CMC2: variants seen among roughly 807,000 people sequenced by gnomAD.
CMC2 encodes the protein C-X9-C motif containing 2, also known as COX assembly mitochondrial protein 2 homolog.
CMC2 carries 5 observed loss-of-function variants against 7.5 expected under a neutral mutation model. That is an observed-to-expected ratio of 0.66 (90% CI 0.35 to 1.40). The LOEUF is 1.40. Among genes scored for constraint, CMC2 ranks in the 40% most tolerant of loss-of-function variants. CMC2 has a pLI of 0.04. For synonymous variants in CMC2, 37 were observed against 31.4 expected (o/e 1.18, Z -0.60); for missense variants, 115 against 92.3 (o/e 1.25, Z -1.01).
chr16:81,005,228 C>A (rs1184675406), intron 1 of CMC2, among the ~76,000 whole-genome samples: 3 of 152,170 alleles, frequency 2.0e-5, no homozygotes, highest in African/African-American at 4.8e-5. Flanking sequence ...CAGGACAAGC[C>A]TGGCCAACAT....
chr16:81,004,639 G>C (rs1172491880), intron 1 of CMC2, among the ~76,000 whole-genome samples: 1 of 152,218 alleles, frequency 6.6e-6, no homozygotes, highest in African/African-American at 2.4e-5. Flanking sequence ...AGCTAGCTAA[G>C]GGGCCCATAA....
intron 2 of CMC2, among the ~76,000 whole-genome samples, chr16:80,991,464 G>C (rs889279834): frequency 6.6e-6 from 1 of 151,962 alleles, no homozygotes; most frequent in Non-Finnish European, 1.5e-5. Context: ...GCGAAAACCC[G>C]TTCTCTACAA....
Position 80,969,662 on chromosome 16 carries a change from T to A in CMC2, c.*6431A>T, listed in dbSNP as rs542954326. ...CAGCACTTCAGGAGGCCGAGGCAGGTGGATCACTTGAGGTCGGGAGTTCAA... is the reference window on the plus strand; with the variant it reads ...CAGCACTTCAGGAGGCCGAGGCAGGAGGATCACTTGAGGTCGGGAGTTCAA... On this transcript the variant is annotated 3_prime_UTR_variant, in exon 4 of 4. Transcript: ENST00000219400. The A allele has an allele frequency of 1.3e-5, 2 of 152,160 alleles. No homozygotes were observed. The highest frequency in any genetic ancestry group is 2.9e-5 in the Non-Finnish European group (2 of 68,208). The allele number at this position is 152,160 out of a possible 1,614,324, so 9.4% of individuals were successfully genotyped here.
At chr16:80,980,112 G>A (rs536430281) in intron 3 of CMC2, among the ~76,000 whole-genome samples, 1 of 151,738 alleles carries the variant, frequency 6.6e-6, no homozygotes, top group South Asian at 2.1e-4. Flanking sequence ...TTGAGACAGG[G>A]TCTCACTATG....
At chr16:80,976,739 C>A (rs1479405286) in intron 3 of CMC2, among the ~76,000 whole-genome samples, 1 of 152,198 alleles carries the variant, frequency 6.6e-6, no homozygotes, top group Admixed American at 6.5e-5. Flanking sequence ...TCATTTTAAA[C>A]CAAAAGTGCT....
At chr16:80,992,410 G>A (rs2549852) in intron 2 of CMC2, among the ~76,000 whole-genome samples, 99,145 of 152,006 alleles carry the variant, frequency 0.65, 34,094 homozygotes, top group South Asian at 0.8. Context: ...GCAAATATAC[G>A]GCAGTTTTGC....
chr16:81,003,818 G>C (rs1231808464), intron 1 of CMC2, among the ~76,000 whole-genome samples: 2 of 152,204 alleles, frequency 1.3e-5, no homozygotes, highest in Admixed American at 6.5e-5. Context: ...TCACTAGTCA[G>C]CTACTCACAA....
In CMC2 at chr16:80,980,038, C is replaced by T. The variant is rs1193500483; in HGVS notation, c.153+1768G>A. ...GGCTCAAGCGATCCTCCCGCCTCAG[C>T]CTCCCAAGTAGCTGGGACCACAGGT... On this transcript the variant is annotated intron_variant, in intron 3 of 3. Coordinates refer to ENST00000219400, the MANE Select transcript of CMC2 (RefSeq NM_020188.5). Among the ~76,000 whole-genome samples the T allele has an allele frequency of 2.6e-5, 4 of 152,210 alleles. No individual in the cohort carries two copies. The South Asian group carries it at 8.3e-4, about 31-fold the overall frequency.
intron 1 of CMC2, chr16:80,998,087 A>G (rs1034336049): frequency 6.7e-6 from 1 of 150,064 alleles, no homozygotes; most frequent in African/African-American, 2.4e-5. Flanking sequence ...AAGGAAAAAC[A>G]TCATGGGCAG....
At chr16:80,989,834 G>C (rs1048934295) in intron 2 of CMC2, among the ~76,000 whole-genome samples, 1 of 151,880 alleles carries the variant, frequency 6.6e-6, no homozygotes, top group Non-Finnish European at 1.5e-5. Context: ...GTCTCTTTTC[G>C]TCTACAATAT....
At chr16:80,998,495 T>C (rs1159816929) in intron 1 of CMC2, 1 of 152,126 alleles carries the variant, frequency 6.6e-6, no homozygotes, top group Non-Finnish European at 1.5e-5. Flanking sequence ...AAAAATGAAA[T>C]TACCATATGA....
intron 1 of CMC2, among the ~76,000 whole-genome samples, chr16:81,003,735 C>G (rs770616318): frequency 1.3e-5 from 2 of 152,156 alleles, no homozygotes; most frequent in Non-Finnish European, 2.9e-5. Flanking sequence ...AAGCAGCCAA[C>G]GTAATACTAT....
chr16:80,980,897 A>T (rs966412041), intron 3 of CMC2: 1 of 696,592 alleles, frequency 1.4e-6, no homozygotes, highest in African/African-American at 1.8e-5. Flanking sequence ...AAAAGAAAAA[A>T]GAAAAAAAGA....
chr16:81,003,502 T>C (rs141028819), intron 1 of CMC2, among the ~76,000 whole-genome samples: 1 of 152,310 alleles, frequency 6.6e-6, no homozygotes, highest in Non-Finnish European at 1.5e-5. Flanking sequence ...CTGCCCACAT[T>C]TTCATAGAGA....
Position 80,975,482 on chromosome 16 carries a change from C to G in CMC2, c.*611G>C, listed in dbSNP as rs1912211786. ...TACAAAAACCAGCCAGGCATGGTAG[C>G]CTGCGCCTGTAGCCCCAGCTACTAG... On this transcript the variant is annotated 3_prime_UTR_variant, in exon 4 of 4. Coordinates refer to ENST00000219400, the MANE Select transcript of CMC2 (RefSeq NM_020188.5). 1 of 150,982 alleles carries G rather than the reference C, an allele frequency of 6.6e-6. No individual in the cohort carries two copies. The highest frequency in any genetic ancestry group is 2.5e-5 in the African/African-American group (1 of 40,218). The allele number at this position is 150,982 out of a possible 1,614,324, so 9.4% of individuals were successfully genotyped here. A position where few individuals can be genotyped will look rare whatever the true frequency, so the allele number is the denominator to read the frequency against.
At chr16:80,981,610 C>T (rs1366220182) in intron 3 of CMC2, among the ~76,000 whole-genome samples, 196 bp downstream of exon 3, 1 of 152,156 alleles carries the variant, frequency 6.6e-6, no homozygotes, top group Non-Finnish European at 1.5e-5. Flanking sequence ...GTGTTCATGG[C>T]CAAAAAGCCA....
chr16:80,976,037 A>G lies in CMC2; in HGVS notation c.*56T>C, dbSNP rs375780601. On this transcript the variant is annotated 3_prime_UTR_variant, in exon 4 of 4. Transcript: ENST00000219400. ...CAAATAAGACAGGATTCTTTCAGGT[A>G]TCAACCCAGAGTCTTTAGGTCTTCT... is the stretch of plus-strand genomic sequence containing the variant. 4.2e-5 allele frequency: 40 copies of G among 956,794 alleles called. No homozygotes were observed. The highest frequency in any genetic ancestry group is 6.1e-5 in the Non-Finnish European group (36 of 589,030). The allele number at this position is 956,794 out of a possible 1,614,324, so 59.3% of individuals were successfully genotyped here.
Position 80,976,068 on chromosome 16 carries a change from C to T in CMC2, c.*25G>A. 2 of 1,388,578 alleles carry T rather than the reference C, an allele frequency of 1.4e-6. No individual in the cohort carries two copies. Among genetic ancestry groups the T allele is most frequent in the East Asian group, 2.3e-5 (1 of 43,674 alleles). The allele number at this position is 1,388,578 out of a possible 1,614,324, so 86.0% of individuals were successfully genotyped here. A position where few individuals can be genotyped will look rare whatever the true frequency, so the allele number is the denominator to read the frequency against. ...CCAGAGTCTTTAGGTCTTCTCTCAG[C>T]CAAGGCATCGAGTGAAAATACAATT... On this transcript the variant is annotated 3_prime_UTR_variant, in exon 4 of 4. Transcript: ENST00000219400.
rs1288572359 is a variant in CMC2, at chr16:80,967,896, TAC to T, written c.*8195_*8196del. ...TTTGCTGTCATATTCAATGACAACA[TAC>T]CATATTAACGCTTCCTATTTTTTTT... On this transcript the variant is annotated 3_prime_UTR_variant, in exon 4 of 4. Coordinates refer to ENST00000219400, the MANE Select transcript of CMC2 (RefSeq NM_020188.5). The T allele has an allele frequency of 6.6e-6, 1 of 152,212 alleles. No homozygotes were observed. Among genetic ancestry groups the T allele is most frequent in the Admixed American group, 6.5e-5 (1 of 15,276 alleles). The allele number at this position is 152,212 out of a possible 1,614,324, so 9.4% of individuals were successfully genotyped here. A position where few individuals can be genotyped will look rare whatever the true frequency, so the allele number is the denominator to read the frequency against.
Sources: allele counts gnomAD v4.1 joint callset (sites outside exome capture counted in the v4.1 genomes callset), GRCh38; gene constraint gnomAD v4.1.1; transcripts MANE v1.5; gene names NCBI Gene and HGNC (gene_info 2026-07-23, HGNC 2026-07-21).